RTTN: variants seen among roughly 807,000 people sequenced by gnomAD.
RTTN encodes the protein rotatin.
Under a neutral mutation model 269.2 loss-of-function variants are expected in RTTN, and 182 were observed. That is an observed-to-expected ratio of 0.68 (90% CI 0.60 to 0.76). The LOEUF is 0.76. Ranked by LOEUF, RTTN falls within the 30% of genes least tolerant of loss-of-function variation. The pLI is 0.00. For missense variants in RTTN, 2,545 were observed against 2,608.6 expected (o/e 0.98, Z 0.53); for synonymous variants, 1,006 against 963.5 (o/e 1.04, Z -0.82).
intron 2 of RTTN, 35 bp from the exon 3 acceptor site, chr18:70,204,298 G>A: frequency 3.2e-6 from 5 of 1,548,916 alleles, no homozygotes; most frequent in Non-Finnish European, 4.4e-6. Context: ...GAGAATAACT[G>A]TATCAAAATC....
chr18:70,100,356 T>C (rs1015544244), intron 28 of RTTN, among the ~76,000 whole-genome samples: 1 of 152,222 alleles, frequency 6.6e-6, no homozygotes, highest in Admixed American at 6.5e-5. Flanking sequence ...TGAATGGGAG[T>C]TCACTCATGA....
At chr18:70,148,800 T>C (rs1302653783) in intron 17 of RTTN, 101 bp downstream of exon 17, 4 of 1,426,322 alleles carry the variant, frequency 2.8e-6, no homozygotes, top group Non-Finnish European at 3.9e-6. Context: ...AACACCCTCC[T>C]TAAAAATTCT....
chr18:70,048,129 A>C lies in RTTN; in HGVS notation c.5383T>G (p.Leu1795Val). 1 of 1,614,166 alleles carries C rather than the reference A, an allele frequency of 6.2e-7. No homozygotes were observed. Among genetic ancestry groups the C allele is most frequent in the African/African-American group, 1.3e-5 (1 of 75,072 alleles). The stretch of plus-strand genomic sequence containing the variant: ...GTCAAGAGAACAGAAAGGAATTGCA[A>C]GCTGGCAGTATACAGGGCAGGACAC... The part of the protein sequence containing the change: ...ATCPALYTAS[L>V]QFLSVLLTEE... The change falls in exon 40 of 49, where the codon TTG (leucine) becomes GTG (valine). Residue 1795 changes from leucine to valine, a missense_variant. Leu to Val is a conservative substitution (Grantham distance 32, BLOSUM62 1). Coordinates refer to ENST00000640769, the MANE Select transcript of RTTN (RefSeq NM_173630.4).
chr18:70,188,680 G>A (rs972587608), intron 9 of RTTN, among the ~76,000 whole-genome samples: 2 of 152,182 alleles, frequency 1.3e-5, no homozygotes, highest in African/African-American at 4.8e-5. Flanking sequence ...TTGGACTGGA[G>A]CAACTAAAGG....
At chr18:70,142,939 C>T (rs2060295736) in intron 18 of RTTN, among the ~76,000 whole-genome samples, 1 of 152,170 alleles carries the variant, frequency 6.6e-6, no homozygotes, top group Non-Finnish European at 1.5e-5. Flanking sequence ...ACAGGAGAAT[C>T]GCTTGAACCC....
At chr18:70,051,584 A>G in intron 38 of RTTN, 36 bp from the exon 39 acceptor site, 1 of 1,498,050 alleles carries the variant, frequency 6.7e-7, no homozygotes, top group South Asian at 1.2e-5. Flanking sequence ...AGTTATTAAC[A>G]CAAAGAAGGA....
intron 38 of RTTN, among the ~76,000 whole-genome samples, chr18:70,052,443 T>C (rs2057696941): frequency 6.6e-6 from 1 of 152,156 alleles, no homozygotes; most frequent in East Asian, 1.9e-4. Flanking sequence ...TGTATATCTC[T>C]TTATGTACTA....
At chr18:70,104,516 C>T (rs1222127598) in intron 28 of RTTN, among the ~76,000 whole-genome samples, 2 of 152,214 alleles carry the variant, frequency 1.3e-5, no homozygotes, top group African/African-American at 4.8e-5. Context: ...CATTCTCCGT[C>T]CAGCTTTGTT....
At chr18:70,103,874 C>G (rs551607581) in intron 28 of RTTN, among the ~76,000 whole-genome samples, 1 of 151,894 alleles carries the variant, frequency 6.6e-6, no homozygotes, top group Non-Finnish European at 1.5e-5. Context: ...GTCTGACGGG[C>G]TTCCCTTTGC....
At chr18:70,145,966 T>C (rs1264348296) in intron 17 of RTTN, among the ~76,000 whole-genome samples, 183 bp from the exon 18 acceptor site, 1 of 152,222 alleles carries the variant, frequency 6.6e-6, no homozygotes, top group Non-Finnish European at 1.5e-5. Context: ...TATAATGATT[T>C]ATTCAATGTA....
chr18:70,061,101 G>A (rs1222003990), intron 35 of RTTN, among the ~76,000 whole-genome samples: 1 of 151,688 alleles, frequency 6.6e-6, no homozygotes, highest in Non-Finnish European at 1.5e-5. Context: ...TTTTCTTTTA[G>A]ATATATACTC....
chr18:70,109,456 G>A lies in RTTN; in HGVS notation c.3903+42C>T, dbSNP rs1311134510. 2.7e-6 allele frequency: 4 copies of A among 1,509,422 alleles called. No homozygotes were observed. In the East Asian group the frequency reaches 6.8e-5, roughly 26 times the overall value. The allele number at this position is 1,509,422 out of a possible 1,614,324, so 93.5% of individuals were successfully genotyped here. Reference sequence around the variant, plus strand: ...ACTTGTGGCCTGGCATAAAGTAAAAGCAACTAATAGTAAATAACTACCATA... The same window carrying A: ...ACTTGTGGCCTGGCATAAAGTAAAAACAACTAATAGTAAATAACTACCATA... On this transcript the variant is annotated intron_variant, in intron 28 of 48. Coordinates refer to ENST00000640769, the MANE Select transcript of RTTN (RefSeq NM_173630.4).
rs1242721190 is a variant in RTTN, at chr18:70,004,129, A to C, written c.*22T>G. 6.3e-7 allele frequency: 1 copy of C among 1,588,552 alleles called. No individual in the cohort carries two copies. The highest frequency in any genetic ancestry group is 8.6e-7 in the Non-Finnish European group (1 of 1,157,240). ...TCCCCTGTTGATGACTGTCAGCTTCAAGGTGTAGCATCCCATGGCACTCAG... is the reference window on the plus strand; with the variant it reads ...TCCCCTGTTGATGACTGTCAGCTTCCAGGTGTAGCATCCCATGGCACTCAG... On this transcript the variant is annotated 3_prime_UTR_variant, in exon 49 of 49. Transcript: ENST00000640769.
chr18:70,056,552 A>G (rs2057821877), intron 37 of RTTN, among the ~76,000 whole-genome samples: 1 of 152,218 alleles, frequency 6.6e-6, no homozygotes, highest in African/African-American at 2.4e-5. Flanking sequence ...CACTCAGAAC[A>G]CAATGGAACA....
At chr18:70,139,834 T>C (rs2060212920) in intron 20 of RTTN, 118 bp from the exon 21 acceptor site, 1 of 692,392 alleles carries the variant, frequency 1.4e-6, no homozygotes, top group Non-Finnish European at 2.5e-6. Context: ...TATCTGAAAC[T>C]AAAATGTAAA....
At chr18:70,070,679 T>A (rs1365038886) in intron 34 of RTTN, among the ~76,000 whole-genome samples, 1 of 152,206 alleles carries the variant, frequency 6.6e-6, no homozygotes, top group East Asian at 1.9e-4. Flanking sequence ...TCAGCTTTCT[T>A]AACTAACTCC....
In RTTN at chr18:70,196,638, G is replaced by T; in HGVS notation, c.704C>A (p.Ser235Tyr). Residue 235 changes from serine (S) to tyrosine (Y), a missense_variant, in exon 7 of 49, where the codon TCT (serine) becomes TAT (tyrosine). Ser to Tyr is a moderately radical substitution (Grantham distance 144). Coordinates refer to ENST00000640769, the MANE Select transcript of RTTN (RefSeq NM_173630.4). ...QRPKIVQSLL[S>Y]LLKLAFGDGK... ...ATCTCCAAAGGCCAGTTTCAACAGA[G>T]ATAAAAGGCTCTGAAATCAAGAAGA... 6.2e-7 allele frequency: 1 copy of T among 1,607,590 alleles called. No individual in the cohort carries two copies. The highest frequency in any genetic ancestry group is 1.7e-4 in the Middle Eastern group (1 of 6,034).
intron 45 of RTTN, among the ~76,000 whole-genome samples, 183 bp downstream of exon 45, chr18:70,020,432 C>T (rs1262625529): frequency 6.6e-6 from 1 of 152,170 alleles, no homozygotes; most frequent in Non-Finnish European, 1.5e-5. Flanking sequence ...AGCTCCTGTC[C>T]TTCTGCACGT....
chr18:70,195,399 T>C (rs928012577), intron 7 of RTTN, among the ~76,000 whole-genome samples: 2 of 152,214 alleles, frequency 1.3e-5, no homozygotes, highest in Non-Finnish European at 2.9e-5. Flanking sequence ...TCTCCTTATC[T>C]CAAGCAAACT....
Sources: allele counts gnomAD v4.1 joint callset (sites outside exome capture counted in the v4.1 genomes callset), GRCh38; gene constraint gnomAD v4.1.1; transcripts MANE v1.5; gene names NCBI Gene and HGNC (gene_info 2026-07-23, HGNC 2026-07-21).